Variants in ASIC2 observed in about 807,000 individuals in gnomAD.
ASIC2 encodes acid-sensing ion channel 2.
Under a neutral mutation model 57.3 loss-of-function variants are expected in ASIC2, and 25 were observed. The observed-to-expected ratio is 0.44, with a 90% CI of 0.32 to 0.61. The LOEUF (loss-of-function observed/expected upper bound fraction) is 0.61. Among genes scored for constraint, ASIC2 ranks in the 20% least tolerant of loss-of-function variants. The pLI, the probability that ASIC2 is intolerant of heterozygous loss-of-function variation, is 0.06. For missense variants in ASIC2, 641 were observed against 738.1 expected, an observed-to-expected ratio of 0.87 and a Z score of 1.52; for synonymous variants, 319 against 307.5, an observed-to-expected ratio of 1.04 and a Z score of -0.39.
chr17:33,388,642 T>C (rs1002692354), intron 1 of ASIC2, among the ~76,000 whole-genome samples: 5 of 152,258 alleles, frequency 3.3e-5, no homozygotes, highest in African/African-American at 9.6e-5. Context: ...AGGAATAATT[T>C]GGTCCAGACC....
chr17:33,298,184 T>C (rs1905800276), upstream of ASIC2, among the ~76,000 whole-genome samples: 1 of 152,148 alleles, frequency 6.6e-6, no homozygotes, highest in African/African-American at 2.4e-5. Flanking sequence ...GTTACATACG[T>C]ATACATGTGC....
intron 1 of ASIC2, among the ~76,000 whole-genome samples, chr17:33,728,695 C>T (rs1291685048): frequency 6.6e-6 from 1 of 152,080 alleles, no homozygotes; most frequent in Admixed American, 6.5e-5. Flanking sequence ...CAAAGTGAAT[C>T]AGGGGAATAA....
intron 1 of ASIC2, among the ~76,000 whole-genome samples, chr17:33,725,908 G>A (rs549859218): frequency 6.6e-6 from 1 of 152,262 alleles, no homozygotes; most frequent in Non-Finnish European, 1.5e-5. Flanking sequence ...CAGTGTTGCC[G>A]CTTCCTGGTC....
intron 1 of ASIC2, among the ~76,000 whole-genome samples, chr17:33,885,412 C>T (rs953200592): frequency 7.9e-5 from 12 of 152,194 alleles, no homozygotes; most frequent in African/African-American, 2.9e-4. Flanking sequence ...GTGTTACCAT[C>T]TACCCTATTA....
intron 1 of ASIC2, among the ~76,000 whole-genome samples, chr17:33,763,266 A>G (rs1910839460): frequency 6.6e-6 from 1 of 152,166 alleles, no homozygotes; most frequent in Admixed American, 6.5e-5. Flanking sequence ...TGCTCAGTAA[A>G]TATCTGTAGA....
intron 1 of ASIC2, among the ~76,000 whole-genome samples, chr17:33,470,820 G>A (rs1913025012): frequency 6.6e-6 from 1 of 152,200 alleles, no homozygotes; most frequent in African/African-American, 2.4e-5. Context: ...GCATTCACCT[G>A]TAGTCTCTGT....
At position 33,292,061 on chromosome 17, in the gene ASIC2, G is replaced by T. The variant is rs2142183341; in HGVS notation, c.55C>A (p.Arg19Ser). The T allele has an allele frequency of 1.8e-6, 2 of 1,099,906 alleles. No homozygotes were observed. Among genetic ancestry groups the T allele is most frequent in the Non-Finnish European group, 2.2e-6 (2 of 906,586 alleles). The allele number at this position is 1,099,906 out of a possible 1,614,324, so 68.1% of individuals were successfully genotyped here. A position where few individuals can be genotyped will look rare whatever the true frequency, so the allele number is the denominator to read the frequency against. Residue 19 changes from arginine to serine, a missense_variant, in exon 1 of 10, where the codon CGC (arginine) becomes AGC (serine). By Grantham distance (110) the Arg-to-Ser change is moderately radical. Transcript: ENST00000225823. ...GGCTCCTCGCGGGCCATGCGGAAGCGTCCCGGGCCGGTGAGCGCGGCTGCG... is the reference window on the plus strand; with the variant it reads ...GGCTCCTCGCGGGCCATGCGGAAGCTTCCCGGGCCGGTGAGCGCGGCTGCG... ...LPAAALTGPG[R>S]FRMAREEPAP...
chr17:33,458,129 G>C (rs993789610), intron 1 of ASIC2, among the ~76,000 whole-genome samples: 3 of 152,194 alleles, frequency 2.0e-5, no homozygotes, highest in Admixed American at 1.3e-4. Flanking sequence ...TTATGGAGTG[G>C]AAGGGGTTCC....
At chr17:33,546,618 T>C (rs1915586549) in intron 1 of ASIC2, among the ~76,000 whole-genome samples, 1 of 152,130 alleles carries the variant, frequency 6.6e-6, no homozygotes. Flanking sequence ...CCAGACACCT[T>C]GTAGAACCCC....
At position 33,933,853 on chromosome 17, in the gene ASIC2, C is replaced by T. The variant is rs537094860; in HGVS notation, c.555+222125G>A. Among the ~76,000 whole-genome samples the T allele has an allele frequency of 7.9e-5, 12 of 152,324 alleles. No individual in the cohort carries two copies. The East Asian group carries it at 9.6e-4, about 12-fold the overall frequency. ...AATAATCAAGGTCCTTCCAGATGCA[C>T]GAAACAGGCCTTAGAGCCTCAGAGC... is the stretch of plus-strand genomic sequence containing the variant. On this transcript the variant is annotated intron_variant, in intron 1 of 9. Transcript: ENST00000359872.
rs111460313 is a variant in ASIC2, at chr17:34,037,460, C to T, written c.555+118518G>A. The T allele has an allele frequency of 8.2e-3, 5,716 of 698,120 alleles. 137 individuals carry two copies. Among genetic ancestry groups the T allele is most frequent in the East Asian group, 0.063 (2,237 of 35,608 alleles). The allele number at this position is 698,120 out of a possible 1,614,324, so 43.2% of individuals were successfully genotyped here. A position where few individuals can be genotyped will look rare whatever the true frequency, so the allele number is the denominator to read the frequency against. On this transcript the variant is annotated intron_variant, in intron 1 of 9. Coordinates refer to the ASIC2 transcript ENST00000359872. ...CCCAAGGTTTCTCCTCAATGAGAAT[C>T]GATGCTGTCATGCTCTATGGATGGG...
chr17:34,063,285 T>C (rs867418855), intron 1 of ASIC2, among the ~76,000 whole-genome samples: 5 of 152,168 alleles, frequency 3.3e-5, no homozygotes, highest in South Asian at 2.1e-4. Flanking sequence ...ATCATCTCAA[T>C]AGATGCAGAA....
intron 1 of ASIC2, among the ~76,000 whole-genome samples, chr17:33,119,215 C>T (rs2092292093): frequency 1.3e-5 from 2 of 152,146 alleles, no homozygotes; most frequent in South Asian, 4.1e-4. Flanking sequence ...TGATGGGTTT[C>T]TCATCTCTTC....
chr17:33,231,975 A>G (rs1422003962), intron 1 of ASIC2, among the ~76,000 whole-genome samples: 1 of 152,102 alleles, frequency 6.6e-6, no homozygotes, highest in Non-Finnish European at 1.5e-5. Context: ...ACTATGTTAG[A>G]TACTTGATCT....
chr17:33,839,961 T>C (rs317382), intron 1 of ASIC2, among the ~76,000 whole-genome samples: 88,359 of 152,028 alleles, frequency 0.58, 26,375 homozygotes, highest in East Asian at 0.92. Context: ...GCCCTTGTTC[T>C]CCAGCCTTAG....
chr17:33,485,869 A>C (rs947297861), intron 1 of ASIC2, among the ~76,000 whole-genome samples: 11 of 152,222 alleles, frequency 7.2e-5, no homozygotes, highest in Admixed American at 2.6e-4. Flanking sequence ...CACGGCTGCT[A>C]ATAAATAGCT....
At chr17:34,111,428 C>T (rs1911270710) in intron 1 of ASIC2, among the ~76,000 whole-genome samples, 1 of 151,630 alleles carries the variant, frequency 6.6e-6, no homozygotes, top group South Asian at 2.1e-4. Context: ...ATTGTCCTAA[C>T]CCTTTTGAAA....
chr17:34,138,988 A>G (rs1212460441), intron 1 of ASIC2, among the ~76,000 whole-genome samples: 3 of 152,238 alleles, frequency 2.0e-5, no homozygotes, highest in African/African-American at 7.2e-5. Context: ...ATTCTTCCTT[A>G]TAATACAATG....
chr17:33,404,997 AT>A (rs759387273), intron 1 of ASIC2, among the ~76,000 whole-genome samples: 4,192 of 142,090 alleles, frequency 0.03, 47 homozygotes, highest in Admixed American at 0.039. Flanking sequence ...CAGGTGGCTT[AT>A]TTTTTTTTTT....
Sources: allele counts gnomAD v4.1 joint callset (sites outside exome capture counted in the v4.1 genomes callset), GRCh38; gene constraint gnomAD v4.1.1; transcripts MANE v1.5; gene names NCBI Gene and HGNC (gene_info 2026-07-23, HGNC 2026-07-21).